FNDC3B: variants seen among roughly 807,000 people sequenced by gnomAD.
FNDC3B encodes fibronectin type III domain containing 3B, also known as fibronectin type III domain-containing protein 3B.
In FNDC3B, 12 loss-of-function variants were observed where a neutral mutation model predicts 151.5. The ratio of observed to expected loss-of-function variants is 0.08; its 90% confidence interval spans 0.05 to 0.13. FNDC3B has a LOEUF of 0.13. Ranked by LOEUF, FNDC3B falls within the 10% of genes least tolerant of loss-of-function variation. The pLI is 1.00. For missense variants in FNDC3B, 1,214 were observed against 1,505.3 expected, an observed-to-expected ratio of 0.81 and a Z score of 3.20; for synonymous variants, 528 against 549.0, an observed-to-expected ratio of 0.96 and a Z score of 0.54.
chr3:172,116,715 G>T (rs1163322552), intron 2 of FNDC3B, among the ~76,000 whole-genome samples: 1 of 152,054 alleles, frequency 6.6e-6, no homozygotes. Context: ...ACAGGCATAT[G>T]CCACCACGCC....
chr3:172,212,869 C>T (rs1321971348), intron 3 of FNDC3B, among the ~76,000 whole-genome samples: 1 of 152,114 alleles, frequency 6.6e-6, no homozygotes, highest in Non-Finnish European at 1.5e-5. Context: ...CCTCTGGATT[C>T]CTGTGATTTG....
intron 11 of FNDC3B, among the ~76,000 whole-genome samples, chr3:172,320,370 ACT>A (rs1356738111): frequency 6.6e-6 from 1 of 151,986 alleles, no homozygotes; most frequent in Non-Finnish European, 1.5e-5. Context: ...ACAGGGTGAG[ACT>A]CTGACTCAAA....
chr3:172,118,428 C>T (rs1294393718), intron 2 of FNDC3B, among the ~76,000 whole-genome samples: 1 of 152,200 alleles, frequency 6.6e-6, no homozygotes, highest in Non-Finnish European at 1.5e-5. Flanking sequence ...GTCTACTCCT[C>T]AGAAATCCCA....
intron 11 of FNDC3B, among the ~76,000 whole-genome samples, chr3:172,318,891 C>T (rs1731947279): frequency 6.6e-6 from 1 of 152,170 alleles, no homozygotes; most frequent in South Asian, 2.1e-4. Context: ...ATTGCTGCCC[C>T]ACTATAGCTG....
At position 172,215,718 on chromosome 3, in the gene FNDC3B, C is replaced by T. The variant is rs372747473; in HGVS notation, c.188-11153C>T. ...CAGCCTGGACTCGGGGCCAGTGCAG[C>T]AAATAAATTCTGCCCCGTTCCTGCT... On this transcript the variant is annotated intron_variant, in intron 3 of 25. Coordinates refer to ENST00000415807, the MANE Select transcript of FNDC3B (RefSeq NM_022763.4). Among the ~76,000 whole-genome samples, 4 of 152,164 alleles carry T rather than the reference C, an allele frequency of 2.6e-5. 1 individual carries two copies. The South Asian group carries it at 8.3e-4, about 32-fold the overall frequency.
chr3:172,239,856 C>CTTTTTTTTTT lies in FNDC3B; in HGVS notation c.265-7656_265-7647dup, dbSNP rs71179981. ...TGTTTTTAGGAGATCCATTTTAGTT[C>CTTTTTTTTTT]TTTTTTTTTTTTTTTTTTTTTTTTT... On this transcript the variant is annotated intron_variant, in intron 4 of 25. Transcript: ENST00000415807. Among the ~76,000 whole-genome samples, 156 of 49,928 alleles carry CTTTTTTTTTT rather than the reference C, an allele frequency of 3.1e-3. 28 individuals are homozygous for CTTTTTTTTTT. The highest frequency in any genetic ancestry group is 4.9e-3 in the Admixed American group (15 of 3,088). The allele number at this position is 49,928 out of a possible 152,430, so 32.8% of individuals were successfully genotyped here. A position where few individuals can be genotyped will look rare whatever the true frequency, so the allele number is the denominator to read the frequency against.
At chr3:172,094,409 G>A (rs1386771880) in intron 1 of FNDC3B, among the ~76,000 whole-genome samples, 1 of 152,086 alleles carries the variant, frequency 6.6e-6, no homozygotes, top group Non-Finnish European at 1.5e-5. Flanking sequence ...TACATTATGT[G>A]GCCTTCTCTA....
At chr3:172,302,587 TA>T (rs1730968425) in intron 9 of FNDC3B, 1 of 152,250 alleles carries the variant, frequency 6.6e-6, no homozygotes, top group Non-Finnish European at 1.5e-5. Flanking sequence ...TTTTTTCTCC[TA>T]ATCTCCTAGT....
At chr3:172,128,043 G>A (rs1185959172) in intron 2 of FNDC3B, among the ~76,000 whole-genome samples, 2 of 152,188 alleles carry the variant, frequency 1.3e-5, no homozygotes, top group African/African-American at 4.8e-5. Context: ...TCCTTATTTT[G>A]CATAGTAAGA....
chr3:172,183,437 T>C (rs1244986979), intron 3 of FNDC3B, among the ~76,000 whole-genome samples: 1 of 152,234 alleles, frequency 6.6e-6, no homozygotes, highest in East Asian at 1.9e-4. Context: ...AGTATGGCTC[T>C]TGAGAGAGGG....
chr3:172,059,109 AAGC>A (rs1717058334), intron 1 of FNDC3B, among the ~76,000 whole-genome samples: 1 of 152,210 alleles, frequency 6.6e-6, no homozygotes, highest in Non-Finnish European at 1.5e-5. Flanking sequence ...TGCTTACAGG[AAGC>A]AGCAAAGCAT....
chr3:172,130,029 A>G (rs1366196208), intron 2 of FNDC3B, among the ~76,000 whole-genome samples: 2 of 151,934 alleles, frequency 1.3e-5, no homozygotes, highest in South Asian at 2.1e-4. Context: ...AAATTGCCCA[A>G]CTTGTATGAT....
At chr3:172,132,569 T>C (rs955754417) in intron 2 of FNDC3B, among the ~76,000 whole-genome samples, 10 of 152,046 alleles carry the variant, frequency 6.6e-5, no homozygotes, top group African/African-American at 2.4e-4. Context: ...CCACGCCTGG[T>C]TAATTTTTGT....
chr3:172,208,710 T>G lies in FNDC3B; in HGVS notation c.188-18161T>G, dbSNP rs116565008. ...GAGTTTTGCTCGTGCCTTCTGGGCT[T>G]CTTCTGCCCACTTGGCCTGGATCAG... On this transcript the variant is annotated intron_variant, in intron 3 of 25. Transcript: ENST00000415807. Among the ~76,000 whole-genome samples the G allele has an allele frequency of 5.5e-3, 484 of 87,296 alleles. 2 individuals are homozygous for G. The highest frequency in any genetic ancestry group is 0.023 in the African/African-American group (465 of 19,964). 57.3% of individuals were successfully genotyped at this position (87,296 alleles called of 152,430 possible). A position where few individuals can be genotyped will look rare whatever the true frequency, so the allele number is the denominator to read the frequency against.
chr3:172,122,116 G>A (rs1720581527), intron 2 of FNDC3B, among the ~76,000 whole-genome samples: 2 of 152,180 alleles, frequency 1.3e-5, no homozygotes, highest in Non-Finnish European at 2.9e-5. Context: ...GCACATAATC[G>A]TTTTCATGTA....
intron 21 of FNDC3B, among the ~76,000 whole-genome samples, chr3:172,348,153 A>AGAG (rs1296333625): frequency 5.3e-5 from 8 of 152,224 alleles, no homozygotes; most frequent in African/African-American, 1.9e-4. Flanking sequence ...TTGACCTTGA[A>AGAG]GAGCTCTGTC....
At chr3:172,123,493 A>C (rs1026369323) in intron 2 of FNDC3B, among the ~76,000 whole-genome samples, 2 of 152,032 alleles carry the variant, frequency 1.3e-5, no homozygotes, top group Admixed American at 1.3e-4. Flanking sequence ...TTAATCACTG[A>C]GCATGTTACT....
intron 13 of FNDC3B, among the ~76,000 whole-genome samples, chr3:172,331,303 A>T (rs1307360560): frequency 1.3e-5 from 2 of 151,966 alleles, no homozygotes; most frequent in South Asian, 2.1e-4. Context: ...GCTCTCCATT[A>T]CTGTCCTCGT....
intron 16 of FNDC3B, 131 bp from the exon 17 acceptor site, chr3:172,340,982 T>C (rs945875876): frequency 1.5e-6 from 1 of 678,054 alleles, no homozygotes; most frequent in African/African-American, 1.8e-5. Context: ...AAGGAAGAGC[T>C]TTCTGGCTAT....
Sources: allele counts gnomAD v4.1 joint callset (sites outside exome capture counted in the v4.1 genomes callset), GRCh38; gene constraint gnomAD v4.1.1; transcripts MANE v1.5; gene names NCBI Gene and HGNC (gene_info 2026-07-23, HGNC 2026-07-21).